The following ASXL1 variants were observed in gnomAD, a reference collection of about 807,000 sequenced individuals.
ASXL1 encodes polycomb group protein ASXL1.
In ASXL1, 65 loss-of-function variants were observed where a neutral mutation model predicts 89.1. The ratio of observed to expected loss-of-function variants is 0.73; its 90% CI spans 0.60 to 0.90. The LOEUF (loss-of-function observed/expected upper bound fraction) is 0.90. Ranked by LOEUF, ASXL1 falls within the 40% of genes least tolerant of loss-of-function variation. The pLI is 0.00. For missense variants in ASXL1, 1,786 were observed against 1,942.9 expected (o/e 0.92, Z 1.52); for synonymous variants, 739 against 746.9 (o/e 0.99, Z 0.17).
intron 4 of ASXL1, among the ~76,000 whole-genome samples, chr20:32,423,066 G>A (rs1040200469): frequency 6.6e-6 from 1 of 152,074 alleles, no homozygotes; most frequent in African/African-American, 2.4e-5. Context: ...GTTAATGTAT[G>A]AAAAGTCAAT....
chr20:32,381,111 C>T (rs961077234), intron 4 of ASXL1, among the ~76,000 whole-genome samples: 8 of 152,170 alleles, frequency 5.3e-5, no homozygotes, highest in African/African-American at 9.7e-5. Flanking sequence ...GAAAATTCTG[C>T]GGTAACTTCT....
In ASXL1 at chr20:32,435,038, G is replaced by C; in HGVS notation, c.2326G>C (p.Val776Leu). The C allele has an allele frequency of 6.2e-7, 1 of 1,614,182 alleles. No individual in the cohort carries two copies. The highest frequency in any genetic ancestry group is 1.1e-5 in the South Asian group (1 of 91,090). Reference sequence around the variant, plus strand: ...CCAAACCTCAGTAGCTGAGAGATTAGTGGAGCAGCCTCAGTTGCATCCGGA... The same window carrying C: ...CCAAACCTCAGTAGCTGAGAGATTACTGGAGCAGCCTCAGTTGCATCCGGA... ...SSQTSVAERLVEQPQLHPDVR... is the reference protein window; with the variant it reads ...SSQTSVAERLLEQPQLHPDVR... Residue 776 changes from valine to leucine, a missense_variant, in exon 13 of 13, where the codon GTG becomes CTG. Val to Leu is a conservative substitution (Grantham distance 32, BLOSUM62 1). Around this residue, in one of 3 missense-constraint regions of ASXL1, gnomAD observed 1,418 missense variants for 1,427.8 expected, o/e 0.99. Transcript: ENST00000375687.
chr20:32,409,398 A>T (rs2049007865), intron 4 of ASXL1, among the ~76,000 whole-genome samples: 1 of 152,238 alleles, frequency 6.6e-6, no homozygotes, highest in Non-Finnish European at 1.5e-5. Flanking sequence ...ATAATTTCAG[A>T]CACGATTGTA....
intron 4 of ASXL1, chr20:32,372,073 T>G: frequency 7.5e-7 from 1 of 1,333,192 alleles, no homozygotes; most frequent in East Asian, 4.1e-5. Context: ...GAGTTTTATT[T>G]GTGTTTGTAA....
At chr20:32,385,675 C>T (rs1458440898) in intron 4 of ASXL1, among the ~76,000 whole-genome samples, 2 of 152,016 alleles carry the variant, frequency 1.3e-5, no homozygotes, top group Admixed American at 6.6e-5. Context: ...TAAATTATCC[C>T]GTTATGCTGG....
At chr20:32,372,600 AT>A (rs976041300) in intron 4 of ASXL1, 160 of 208,130 alleles carry the variant, frequency 7.7e-4, no homozygotes, top group East Asian at 1.4e-3. Context: ...TTATTTATTT[AT>A]TTTTTTTTTC....
At chr20:32,425,276 G>A (rs1424083032) in intron 4 of ASXL1, among the ~76,000 whole-genome samples, 1 of 152,154 alleles carries the variant, frequency 6.6e-6, no homozygotes, top group Non-Finnish European at 1.5e-5. Context: ...CACTTTGATT[G>A]TTTATAATCC....
intron 4 of ASXL1, among the ~76,000 whole-genome samples, chr20:32,393,618 C>T (rs905335249): frequency 6.6e-6 from 1 of 151,954 alleles, no homozygotes; most frequent in African/African-American, 2.4e-5. Flanking sequence ...ACTGCAGGCA[C>T]CTGACACCAC....
chr20:32,407,665 A>C (rs146725562), intron 4 of ASXL1, among the ~76,000 whole-genome samples: 3 of 152,004 alleles, frequency 2.0e-5, no homozygotes, highest in Non-Finnish European at 2.9e-5. Flanking sequence ...ACGTCTCACT[A>C]TGTTGCCTAG....
intron 4 of ASXL1, 98 bp from the exon 5 acceptor site, chr20:32,428,030 A>G: frequency 1.3e-6 from 2 of 1,552,372 alleles, no homozygotes; most frequent in Non-Finnish European, 1.8e-6. Flanking sequence ...CAGTATTCTA[A>G]ATCCCTCTTT....
Position 32,437,387 on chromosome 20 carries a change from TAATG to T in ASXL1, c.*51_*54del, listed in dbSNP as rs1426617657. The T allele has an allele frequency of 6.3e-7, 1 of 1,593,810 alleles. No individual in the cohort carries two copies. Among genetic ancestry groups the T allele is most frequent in the Non-Finnish European group, 8.6e-7 (1 of 1,161,898 alleles). On this transcript the variant is annotated 3_prime_UTR_variant, in exon 13 of 13. Transcript: ENST00000375687. ...TGTATATTTAGTGTGTGTATTTTGA[TAATG>T]ATTGATCTTAAATCTGTATACAGAA...
At chr20:32,421,866 CTT>C (rs71299232) in intron 4 of ASXL1, among the ~76,000 whole-genome samples, 1 of 105,250 alleles carries the variant, frequency 9.5e-6, no homozygotes, top group African/African-American at 3.5e-5. Flanking sequence ...GGTTTCTTTT[CTT>C]TTTTTTTTTT....
chr20:32,430,137 C>T (rs2011474175), intron 8 of ASXL1, 84 bp downstream of exon 8: 1 of 1,481,104 alleles, frequency 6.8e-7, no homozygotes, highest in African/African-American at 1.4e-5. Context: ...TATTCCAATT[C>T]CTTTACCAGT....
chr20:32,370,055 G>T (rs1412036410), intron 4 of ASXL1, among the ~76,000 whole-genome samples: 1 of 152,078 alleles, frequency 6.6e-6, no homozygotes, highest in Non-Finnish European at 1.5e-5. Context: ...TTGTAGTAAT[G>T]ATGTGAAGGA....
intron 4 of ASXL1, among the ~76,000 whole-genome samples, chr20:32,420,056 A>G (rs62206931): frequency 6.8e-6 from 1 of 146,452 alleles, no homozygotes; most frequent in Non-Finnish European, 1.5e-5. Context: ...TTTTTTTTTA[A>G]TGTGATCTCA....
At position 32,433,526 on chromosome 20, in the gene ASXL1, C is replaced by A. The variant is rs1351336989; in HGVS notation, c.1328C>A (p.Ala443Asp). 6.2e-7 allele frequency: 1 copy of A among 1,614,118 alleles called. No homozygotes were observed. The highest frequency in any genetic ancestry group is 8.5e-7 in the Non-Finnish European group (1 of 1,180,022). The stretch of plus-strand genomic sequence containing the variant: ...GTTGCTAAGGATGCAAAATCTGTGG[C>A]CTCAGATGTTCCCCTCTACAAGGAT... ...AGVAKDAKSV[A>D]SDVPLYKDGE... The change falls in exon 12 of 13, where the codon GCC becomes GAC. Residue 443 changes from alanine to aspartate, a missense_variant. By Grantham distance (126) the Ala-to-Asp change is moderately radical (BLOSUM62 -2). Coordinates refer to ENST00000375687, the MANE Select transcript of ASXL1 (RefSeq NM_015338.6).
At chr20:32,432,805 G>T (rs2011561256) in intron 10 of ASXL1, 75 bp from the exon 11 acceptor site, 1 of 1,549,644 alleles carries the variant, frequency 6.5e-7, no homozygotes, top group Admixed American at 1.8e-5. Context: ...TTTTAAAACT[G>T]GGAGATTCAG....
Position 32,429,372 on chromosome 20 carries a change from T to C in ASXL1, c.506T>C (p.Leu169Pro). 6.2e-7 allele frequency: 1 copy of C among 1,614,202 alleles called. No individual in the cohort carries two copies. The highest frequency in any genetic ancestry group is 8.5e-7 in the Non-Finnish European group (1 of 1,180,036). The change falls in exon 7 of 13, where the codon CTG (leucine) becomes CCG (proline). Residue 169 changes from leucine (L) to proline (P), a missense_variant. Leu to Pro is a moderately conservative substitution (Grantham distance 98). Coordinates refer to ENST00000375687, the MANE Select transcript of ASXL1 (RefSeq NM_015338.6). The surrounding 1 kb of genome is among the most constrained non-coding windows in gnomAD (Gnocchi z 4.9). The stretch of plus-strand genomic sequence containing the variant: ...CAAAAGAAAAAGACTGGGGTGATGC[T>C]GCCTCGAGTTGTCCTGACTCCTCTG... The part of the protein sequence containing the change: ...NKQKKKTGVM[L>P]PRVVLTPLKV...
chr20:32,398,869 A>G (rs2048818934), intron 4 of ASXL1, among the ~76,000 whole-genome samples: 1 of 150,290 alleles, frequency 6.7e-6, no homozygotes, highest in African/African-American at 2.4e-5. Flanking sequence ...TCGGCCTCCC[A>G]AAGTGCTGGG....
Sources: allele counts gnomAD v4.1 joint callset (sites outside exome capture counted in the v4.1 genomes callset), GRCh38; gene constraint gnomAD v4.1.1; regional missense constraint gnomAD v4.1.1; non-coding constraint Gnocchi (gnomAD v3.1); transcripts MANE v1.5; gene names NCBI Gene and HGNC (gene_info 2026-07-23, HGNC 2026-07-21).